KALRN: variants seen among roughly 807,000 people sequenced by gnomAD.
KALRN encodes the protein kalirin RhoGEF kinase, also known as kalirin.
In KALRN, 70 loss-of-function variants were observed where a neutral mutation model predicts 353.7. That is an observed-to-expected ratio of 0.20 (90% CI 0.16 to 0.24). The LOEUF is 0.24. Among genes scored for constraint, KALRN ranks in the 10% least tolerant of loss-of-function variants. The pLI is 1.00. For synonymous variants in KALRN, 1,391 were observed against 1,434.8 expected (o/e 0.97, Z 0.69); for missense variants, 2,791 against 3,756.7 (o/e 0.74, Z 6.72).
rs955352199 is a variant in KALRN, at chr3:124,269,101, G to A, written c.815G>A (p.Gly272Asp). The A allele has an allele frequency of 1.2e-6, 2 of 1,612,834 alleles. No individual in the cohort carries two copies. The highest frequency in any genetic ancestry group is 2.7e-5 in the African/African-American group (2 of 74,928). ...DGFSGRNCIPGSADFQSLVPK... is the reference protein window; with the variant it reads ...DGFSGRNCIPDSADFQSLVPK... ...TTCTCAGGACGCAACTGCATCCCGG[G>A]CAGTGCTGACTTCCAGAGCCTGGTG... The change falls in exon 5 of 60, where the codon GGC becomes GAC. Residue 272 changes from glycine to aspartate, a missense_variant. Gly to Asp is a moderately conservative substitution (Grantham distance 94). Coordinates refer to ENST00000682506, the MANE Select transcript of KALRN (RefSeq NM_001388419.1).
At chr3:124,693,295 G>A (rs188865935) in intron 51 of KALRN, among the ~76,000 whole-genome samples, 11 of 152,278 alleles carry the variant, frequency 7.2e-5, no homozygotes, top group Admixed American at 2.0e-4. Context: ...TTTCCCCTGC[G>A]TGGGGATGAG....
intron 34 of KALRN, among the ~76,000 whole-genome samples, chr3:124,586,057 A>G (rs1415738731): frequency 6.6e-6 from 1 of 152,260 alleles, no homozygotes; most frequent in Non-Finnish European, 1.5e-5. Flanking sequence ...CATTAAGGTC[A>G]TAATCTTAGC....
chr3:124,422,746 AT>A (rs1344098219), intron 14 of KALRN, 65 bp from the exon 15 acceptor site: 1 of 1,326,508 alleles, frequency 7.5e-7, no homozygotes, highest in African/African-American at 1.5e-5. Flanking sequence ...TCTTATGCAT[AT>A]TGAAGGGAAT....
chr3:124,209,682 T>A (rs2076738120), intron 1 of KALRN, among the ~76,000 whole-genome samples: 2 of 151,996 alleles, frequency 1.3e-5, no homozygotes, highest in Admixed American at 6.6e-5. Flanking sequence ...GCCTAGAACT[T>A]GAAAAGAAAG....
chr3:124,141,702 C>A (rs1263635318), intron 1 of KALRN, among the ~76,000 whole-genome samples: 1 of 152,212 alleles, frequency 6.6e-6, no homozygotes. Context: ...CTGCCTGGTT[C>A]TCATTCTTTC....
chr3:124,661,044 G>C, intron 44 of KALRN, 71 bp downstream of exon 44: 7 of 1,232,590 alleles, frequency 5.7e-6, no homozygotes, highest in Non-Finnish European at 8.4e-6. Context: ...GAGGGGAAAA[G>C]ATTGTCTCAG....
intron 1 of KALRN, among the ~76,000 whole-genome samples, chr3:124,110,490 C>CACAA (rs1322141537): frequency 3.3e-5 from 5 of 151,682 alleles, no homozygotes; most frequent in Non-Finnish European, 5.9e-5. Context: ...CACACACACA[C>CACAA]ACACACATTG....
In KALRN at chr3:124,689,301, A is replaced by G. The variant is rs560791044; in HGVS notation, c.7378-4503A>G. Among the ~76,000 whole-genome samples the G allele has an allele frequency of 1.7e-3, 252 of 152,172 alleles. 3 individuals carry two copies. The highest frequency in any genetic ancestry group is 6.0e-3 in the African/African-American group (251 of 41,510). ...ACTTTCTTGGCTTGCCACAGCCTCAACTTCCTGGACTCAGGCAATCCTCCC... is the reference window on the plus strand; with the variant it reads ...ACTTTCTTGGCTTGCCACAGCCTCAGCTTCCTGGACTCAGGCAATCCTCCC... On this transcript the variant is annotated intron_variant, in intron 51 of 59. Coordinates refer to ENST00000682506, the MANE Select transcript of KALRN (RefSeq NM_001388419.1).
chr3:124,464,882 T>G (rs74334323), intron 25 of KALRN, among the ~76,000 whole-genome samples: 2,901 of 138,570 alleles, frequency 0.021, 89 homozygotes, highest in East Asian at 0.088. Context: ...AAAAACCTCA[T>G]AGTGGTCAAG....
intron 33 of KALRN, among the ~76,000 whole-genome samples, chr3:124,533,333 C>A (rs2068217262): frequency 6.6e-6 from 1 of 152,054 alleles, no homozygotes; most frequent in South Asian, 2.1e-4. Context: ...ATTTATTTAT[C>A]CATTCATTTA....
At chr3:124,250,692 G>A (rs995909863) in intron 3 of KALRN, among the ~76,000 whole-genome samples, 32 of 152,332 alleles carry the variant, frequency 2.1e-4, no homozygotes, top group Non-Finnish European at 4.0e-4. Flanking sequence ...GAAAGAAGGA[G>A]AGGGTAGAGA....
Position 124,637,211 on chromosome 3 carries a change from T to G in KALRN, c.5572T>G (p.Ser1858Ala). The change falls in exon 37 of 60, where the codon TCC becomes GCC. Residue 1858 changes from serine (S) to alanine (A), a missense_variant. By Grantham distance (99) the Ser-to-Ala change is moderately conservative (BLOSUM62 1). This residue lies in a region of KALRN where 1,065 missense variants were observed against 1,156.4 expected (regional missense o/e 0.92). Coordinates refer to ENST00000682506, the MANE Select transcript of KALRN (RefSeq NM_001388419.1). ...TCTGCTGCCCGATGTCTTGCAGTCCTCCTCTTTGCTAGCAGCCCGGCAGGC... is the reference window on the plus strand; with the variant it reads ...TCTGCTGCCCGATGTCTTGCAGTCCGCCTCTTTGCTAGCAGCCCGGCAGGC... ...DNDPTQDEMS[S>A]SLLAARQAST... is the part of the protein sequence containing the mutation. 1 of 1,613,470 alleles carries G rather than the reference T, an allele frequency of 6.2e-7. No homozygotes were observed. The highest frequency in any genetic ancestry group is 8.5e-7 in the Non-Finnish European group (1 of 1,179,330).
intron 8 of KALRN, 109 bp downstream of exon 8, chr3:124,330,101 A>G (rs904819062): frequency 5.1e-6 from 6 of 1,185,190 alleles, no homozygotes; most frequent in Non-Finnish European, 6.9e-6. Context: ...ACTAAGAAGA[A>G]GAGGCTGTTT....
intron 34 of KALRN, among the ~76,000 whole-genome samples, chr3:124,565,710 C>A (rs2072721082): frequency 1.3e-5 from 2 of 152,186 alleles, no homozygotes; most frequent in Admixed American, 6.5e-5. Flanking sequence ...CTAGACCTGG[C>A]CTCCTAGCCT....
At chr3:124,074,983 T>C (rs985908400) in intron 1 of KALRN, among the ~76,000 whole-genome samples, 1 of 152,250 alleles carries the variant, frequency 6.6e-6, no homozygotes, top group Non-Finnish European at 1.5e-5. Flanking sequence ...TTCGCATTCA[T>C]ATTTACTCTC....
At position 124,660,910 on chromosome 3, in the gene KALRN, C is replaced by T. The variant is rs748404958; in HGVS notation, c.6217-13C>T. 2 of 1,601,526 alleles carry T rather than the reference C, an allele frequency of 1.2e-6. No individual in the cohort carries two copies. The highest frequency in any genetic ancestry group is 3.3e-5 in the Admixed American group (2 of 59,980). ...CCCTTCCCACACTCTTGCCTGCTTC[C>T]CCTACTTGTTAGGACTTCCTGAGAT... On this transcript the variant is annotated splice_polypyrimidine_tract_variant and intron_variant, in intron 43 of 59. Transcript: ENST00000682506.
intron 34 of KALRN, among the ~76,000 whole-genome samples, chr3:124,586,813 C>T (rs1049149180): frequency 2.6e-5 from 4 of 152,102 alleles, no homozygotes; most frequent in African/African-American, 9.7e-5. Context: ...AGATGAAAAA[C>T]GGGCTCATCA....
chr3:124,710,255 G>C (rs2062826856), intron 57 of KALRN, among the ~76,000 whole-genome samples: 1 of 152,226 alleles, frequency 6.6e-6, no homozygotes, highest in Admixed American at 6.5e-5. Context: ...ACATAGTGTA[G>C]TAATGTAGAT....
At chr3:124,064,451 GAGA>G (rs1299537470) in intron 1 of KALRN, among the ~76,000 whole-genome samples, 5 of 152,134 alleles carry the variant, frequency 3.3e-5, no homozygotes, top group African/African-American at 7.2e-5. Flanking sequence ...TTGATGAATA[GAGA>G]AGAAGAATAT....
Sources: allele counts gnomAD v4.1 joint callset (sites outside exome capture counted in the v4.1 genomes callset), GRCh38; gene constraint gnomAD v4.1.1; regional missense constraint gnomAD v4.1.1; transcripts MANE v1.5; gene names NCBI Gene and HGNC (gene_info 2026-07-23, HGNC 2026-07-21).